The following LHX9 variants were observed in gnomAD, a reference collection of about 807,000 sequenced individuals.
The protein encoded by LHX9 is LIM/homeobox protein Lhx9.
In LHX9, 9 loss-of-function variants were observed where a neutral mutation model predicts 36.5. The observed-to-expected ratio is 0.25, with a 90% CI of 0.15 to 0.43. LHX9 has a LOEUF of 0.43. LHX9 is among the 20% of genes least tolerant of loss of function. The pLI is 1.00. For missense variants in LHX9, 464 were observed against 526.4 expected (o/e 0.88, Z 1.16); for synonymous variants, 211 against 212.1 (o/e 0.99, Z 0.04).
Position 197,921,541 on chromosome 1 carries a change from G to A in LHX9, c.615G>A (p.Ala205=), listed in dbSNP as rs767107810. ...CGCAGCTGAGCTACACGGAGCTGGC[G>A]GCCAAGAGCGGCGGCCTGGCCCTGC... The part of the protein sequence containing the change: ...YPPQLSYTEL[A]AKSGGLALPY... Residue 205 remains alanine, a synonymous_variant, in exon 3 of 5, where the codon GCG becomes GCA. Transcript: ENST00000367387. The surrounding 1 kb of genome is among the most constrained non-coding windows in gnomAD (Gnocchi z 4.6). 2 of 1,613,778 alleles carry A rather than the reference G, an allele frequency of 1.2e-6. No homozygotes were observed. Among genetic ancestry groups the A allele is most frequent in the South Asian group, 1.1e-5 (1 of 91,084 alleles).
rs575984071 is a variant in LHX9, at chr1:197,919,991, C to T, written c.194C>T (p.Pro65Leu). The stretch of plus-strand genomic sequence containing the variant: ...TTGCAGGGCATGCCCCCGCTCAGCC[C>T]GGAGAAGCCCGCCCTGTGCGCCGGC... ...GRDAGMPPLSPEKPALCAGCG... is the reference protein window; with the variant it reads ...GRDAGMPPLSLEKPALCAGCG... The change falls in exon 2 of 5, where the codon CCG becomes CTG. Residue 65 changes from proline to leucine, a missense_variant. Physicochemically the swap from Pro to Leu is moderately conservative, Grantham distance 98 (BLOSUM62 -3). This residue lies in a region of LHX9 where 119 missense variants were observed against 102.4 expected (regional missense o/e 1.16). Transcript: ENST00000367387. 6.2e-7 allele frequency: 1 copy of T among 1,614,050 alleles called. No homozygotes were observed. Among genetic ancestry groups the T allele is most frequent in the Non-Finnish European group, 8.5e-7 (1 of 1,180,064 alleles).
rs1660307448 is a variant in LHX9 at position 197,930,710 on chromosome 1, A to C, written c.*1451A>C. 6.6e-6 allele frequency: 1 copy of C among 152,030 alleles called. No individual in the cohort carries two copies. The highest frequency in any genetic ancestry group is 1.5e-5 in the Non-Finnish European group (1 of 67,876). 9.4% of individuals were successfully genotyped at this position (152,030 alleles called of 1,614,324 possible). A position where few individuals can be genotyped will look rare whatever the true frequency, so the allele number is the denominator to read the frequency against. On this transcript the variant is annotated 3_prime_UTR_variant, in exon 5 of 5. Transcript: ENST00000367387. ...TATTGACAGTTCACTGCCCACATTA[A>C]AGTGCATTATTGTAACTTTTGCTCA...
At chr1:197,922,415 GACA>G (rs762702532) in intron 3 of LHX9, among the ~76,000 whole-genome samples, 51 of 152,256 alleles carry the variant, frequency 3.3e-4, no homozygotes, top group South Asian at 6.2e-4. Context: ...ACAACATGCA[GACA>G]ACAAGTCAAG....
At chr1:197,923,161 G>T (rs965076573) in intron 3 of LHX9, among the ~76,000 whole-genome samples, 2 of 152,222 alleles carry the variant, frequency 1.3e-5, no homozygotes, top group Non-Finnish European at 1.5e-5. Flanking sequence ...AACACTGTGC[G>T]GCAGCACTTG....
Position 197,934,601 on chromosome 1 carries a change from C to G in LHX9, c.*5342C>G, listed in dbSNP as rs911583493. On this transcript the variant is annotated 3_prime_UTR_variant, in exon 5 of 5. Coordinates refer to ENST00000367387, the MANE Select transcript of LHX9 (RefSeq NM_020204.3). Reference sequence around the variant, plus strand: ...AAAATAAGCACAGTAGGACTTAGTCCAAATTGACGAAATATCATTGAATTT... The same window carrying G: ...AAAATAAGCACAGTAGGACTTAGTCGAAATTGACGAAATATCATTGAATTT... 1 of 151,970 alleles carries G rather than the reference C, an allele frequency of 6.6e-6. No individual in the cohort carries two copies. Among genetic ancestry groups the G allele is most frequent in the Non-Finnish European group, 1.5e-5 (1 of 67,996 alleles). 9.4% of individuals were successfully genotyped at this position (151,970 alleles called of 1,614,324 possible).
At chr1:197,912,807 A>G (rs1299819220), upstream of LHX9, 3 of 551,708 alleles carry the variant, frequency 5.4e-6, no homozygotes, top group African/African-American at 1.9e-5. Flanking sequence ...CCTCAGGATC[A>G]GTGTCCGGGG....
At chr1:197,923,012 A>G (rs1057167983) in intron 3 of LHX9, among the ~76,000 whole-genome samples, 17 of 152,222 alleles carry the variant, frequency 1.1e-4, no homozygotes, top group Non-Finnish European at 1.8e-4. Flanking sequence ...GGGAACCCAC[A>G]CAGGATGAGT....
At position 197,921,368 on chromosome 1, in the gene LHX9, C is replaced by A; in HGVS notation, c.442C>A (p.Arg148Ser). The A allele has an allele frequency of 1.2e-6, 2 of 1,614,170 alleles. No individual in the cohort carries two copies. Among genetic ancestry groups the A allele is most frequent in the East Asian group, 2.2e-5 (1 of 44,874 alleles). ...LGISASEMVM[R>S]ARDSVYHLSC... The stretch of plus-strand genomic sequence containing the variant: ...CATTTCCGCCTCGGAGATGGTCATG[C>A]GCGCCCGAGACTCTGTCTACCACCT... Residue 148 changes from arginine (R) to serine (S), a missense_variant, in exon 3 of 5, where the codon CGC becomes AGC. Physicochemically the swap from Arg to Ser is moderately radical, Grantham distance 110. This residue lies in a region of LHX9 where 93 missense variants were observed against 150.3 expected (regional missense o/e 0.62). Coordinates refer to ENST00000367387, the MANE Select transcript of LHX9 (RefSeq NM_020204.3). The surrounding 1 kb of genome is among the most constrained non-coding windows in gnomAD (Gnocchi z 4.6).
chr1:197,917,994 C>G lies in LHX9; in HGVS notation c.171C>G (p.Asp57Glu), dbSNP rs573388724. ...LAKGAQLNGRDAGMPPLSPEK... is the reference protein window; with the variant it reads ...LAKGAQLNGREAGMPPLSPEK... The stretch of plus-strand genomic sequence containing the variant: ...AAGGCGCCCAGCTCAACGGCCGCGA[C>G]GCGGTAAGGAAGGGCTCCGCCGCGG... Residue 57 changes from aspartate to glutamate, a missense_variant, in exon 1 of 5, where the codon GAC becomes GAG. This residue lies in a region of LHX9 where 119 missense variants were observed against 102.4 expected (regional missense o/e 1.16). Coordinates refer to ENST00000367387, the MANE Select transcript of LHX9 (RefSeq NM_020204.3). 2 of 1,612,616 alleles carry G rather than the reference C, an allele frequency of 1.2e-6. No individual in the cohort carries two copies. Among genetic ancestry groups the G allele is most frequent in the Non-Finnish European group, 8.5e-7 (1 of 1,179,378 alleles).
chr1:197,935,169 C>T lies in LHX9; in HGVS notation c.*5910C>T, dbSNP rs1225951521. The stretch of plus-strand genomic sequence containing the variant: ...CCTCTGTGAATATTAATATAGTTAA[C>T]CCTCCCTTATTATGTATCATATCAA... On this transcript the variant is annotated 3_prime_UTR_variant, in exon 5 of 5. Transcript: ENST00000367387. 1.3e-5 allele frequency: 2 copies of T among 152,112 alleles called. No homozygotes were observed. Among genetic ancestry groups the T allele is most frequent in the African/African-American group, 4.8e-5 (2 of 41,432 alleles). The allele number at this position is 152,112 out of a possible 1,614,324, so 9.4% of individuals were successfully genotyped here. A position where few individuals can be genotyped will look rare whatever the true frequency, so the allele number is the denominator to read the frequency against.
In LHX9 at chr1:197,927,573, T is replaced by C. The variant is rs1571406752; in HGVS notation, c.734-18T>C. 6.2e-7 allele frequency: 1 copy of C among 1,610,218 alleles called. No individual in the cohort carries two copies. The highest frequency in any genetic ancestry group is 8.5e-7 in the Non-Finnish European group (1 of 1,176,396). ...GAATTTCCACTGAGCAGTTGTTTGT[T>C]CACTGTTACTGCAACAGGTTGTAAT... On this transcript the variant is annotated intron_variant, in intron 3 of 4. Transcript: ENST00000367387.
At chr1:197,914,838 C>T (rs767240479), upstream of LHX9, among the ~76,000 whole-genome samples, 2 of 152,116 alleles carry the variant, frequency 1.3e-5, no homozygotes, top group Non-Finnish European at 2.9e-5. Flanking sequence ...GAACTTATAA[C>T]CTGAGTTTTA....
Position 197,920,166 on chromosome 1 carries a change from T to C in LHX9, c.369T>C (p.Asp123=), listed in dbSNP as rs781673949. 1 of 1,613,846 alleles carries C rather than the reference T, an allele frequency of 6.2e-7. No individual in the cohort carries two copies. Among genetic ancestry groups the C allele is most frequent in the South Asian group, 1.1e-5 (1 of 91,074 alleles). ...AKDGSIYCKE[D]YYRRFSVQRC... ...ACGGTAGCATTTACTGCAAGGAGGA[T>C]TACTACAGGTACTCCCCTACACCCC... Residue 123 remains aspartate, a synonymous_variant, in exon 2 of 5, where the codon GAT becomes GAC. Transcript: ENST00000367387.
At chr1:197,920,256 C>G in intron 2 of LHX9, 82 bp downstream of exon 2, 1 of 1,375,748 alleles carries the variant, frequency 7.3e-7, no homozygotes, top group Admixed American at 1.7e-5. Flanking sequence ...CCTCTCCGTC[C>G]CCTACCTTTT....
Position 197,921,014 on chromosome 1 carries a change from A to T in LHX9, c.378-290A>T, listed in dbSNP as rs1659968281. Reference sequence around the variant, plus strand: ...CTAGTACCGTGAGTTAGCTAGTGCTAACTAGTGGTTTGCTTTTTTAAATTT... The same window carrying T: ...CTAGTACCGTGAGTTAGCTAGTGCTTACTAGTGGTTTGCTTTTTTAAATTT... On this transcript the variant is annotated intron_variant, in intron 2 of 4. Coordinates refer to ENST00000367387, the MANE Select transcript of LHX9 (RefSeq NM_020204.3). This position sits in a 1 kb window ranked among gnomAD's most constrained non-coding sequence, Gnocchi z 4.6. Among the ~76,000 whole-genome samples the T allele has an allele frequency of 6.6e-6, 1 of 152,122 alleles. No individual in the cohort carries two copies. The highest frequency in any genetic ancestry group is 1.5e-5 in the Non-Finnish European group (1 of 68,026).
chr1:197,916,942 T>G (rs1239146605), upstream of LHX9, among the ~76,000 whole-genome samples: 2 of 152,094 alleles, frequency 1.3e-5, no homozygotes, highest in South Asian at 4.1e-4. Flanking sequence ...AAATCCAAAG[T>G]TTGAAGTTGA....
At chr1:197,925,951 A>G (rs1263587022) in intron 3 of LHX9, among the ~76,000 whole-genome samples, 2 of 152,208 alleles carry the variant, frequency 1.3e-5, no homozygotes, top group African/African-American at 2.4e-5. Context: ...TGAATATGGT[A>G]TAGTCAGTTC....
chr1:197,928,722 C>T (rs1340249870), intron 4 of LHX9, among the ~76,000 whole-genome samples: 3 of 151,942 alleles, frequency 2.0e-5, no homozygotes, highest in African/African-American at 7.3e-5. Context: ...TCCACTTAAG[C>T]ATCAGTTGTT....
upstream of LHX9, chr1:197,917,269 T>TA (rs1659791688): frequency 1.6e-6 from 2 of 1,220,740 alleles, no homozygotes; most frequent in Non-Finnish European, 2.1e-6. Flanking sequence ...GTTGTCTGAA[T>TA]AAAAATCCGT....
Sources: gnomAD v4.1 joint callset for allele counts (sites outside exome capture counted in the v4.1 genomes callset) on GRCh38, gnomAD v4.1.1 for gene constraint, gnomAD v4.1.1 regional missense constraint, Gnocchi (gnomAD v3.1) non-coding constraint, MANE v1.5 for transcripts, NCBI Gene and HGNC (gene_info 2026-07-23, HGNC 2026-07-21) for gene names.